The following KCNQ1 variants were observed in gnomAD, a reference collection of about 807,000 sequenced individuals.
KCNQ1 encodes the protein potassium voltage-gated channel subfamily KQT member 1.
Under a neutral mutation model 72.4 loss-of-function variants are expected in KCNQ1, and 49 were observed. That is an observed-to-expected ratio of 0.68 (90% CI 0.54 to 0.86). KCNQ1 has a LOEUF of 0.86. Ranked by LOEUF, KCNQ1 falls within the 40% of genes least tolerant of loss-of-function variation. The pLI is 0.00. For synonymous variants in KCNQ1, 450 were observed against 412.6 expected, an observed-to-expected ratio of 1.09 and a Z score of -1.10; for missense variants, 790 against 945.1, an observed-to-expected ratio of 0.84 and a Z score of 2.15.
At chr11:2,455,244 T>C (rs537840193) in intron 1 of KCNQ1, among the ~76,000 whole-genome samples, 37 of 152,168 alleles carry the variant, frequency 2.4e-4, no homozygotes, top group Non-Finnish European at 4.6e-4. Context: ...ACAACAGGCG[T>C]CTGCCACCAC....
intron 11 of KCNQ1, chr11:2,689,553 GA>G: frequency 5.0e-6 from 2 of 398,668 alleles, no homozygotes; most frequent in Non-Finnish European, 8.8e-6. Flanking sequence ...AGGAAGAACA[GA>G]ATGAATGATG....
Position 2,613,666 on chromosome 11 carries a change from C to T in KCNQ1, c.1393+24812C>T, listed in dbSNP as rs1180316256. ...TTATATCAAGGTGCTCATTCCACCACCTCAGAAGTGGTCCCTATCTTGTTA... is the reference window on the plus strand; with the variant it reads ...TTATATCAAGGTGCTCATTCCACCATCTCAGAAGTGGTCCCTATCTTGTTA... On this transcript the variant is annotated intron_variant, in intron 10 of 15. Transcript: ENST00000155840. This position sits in a 1 kb window ranked among gnomAD's most constrained non-coding sequence, Gnocchi z 4.8. 1 of 398,460 alleles carries T rather than the reference C, an allele frequency of 2.5e-6. No homozygotes were observed. Among genetic ancestry groups the T allele is most frequent in the East Asian group, 3.6e-5 (1 of 28,090 alleles). The allele number at this position is 398,460 out of a possible 1,614,324, so 24.7% of individuals were successfully genotyped here. A position where few individuals can be genotyped will look rare whatever the true frequency, so the allele number is the denominator to read the frequency against.
At chr11:2,844,979 C>T (rs1048656788) in intron 15 of KCNQ1, among the ~76,000 whole-genome samples, 1 of 152,214 alleles carries the variant, frequency 6.6e-6, no homozygotes, top group Non-Finnish European at 1.5e-5. Flanking sequence ...CCAGGCTTTG[C>T]CCTCAAAGAC....
At chr11:2,531,048 G>C (rs1479197811) in intron 2 of KCNQ1, among the ~76,000 whole-genome samples, 3 of 152,170 alleles carry the variant, frequency 2.0e-5, no homozygotes, top group Non-Finnish European at 4.4e-5. Context: ...AGCCAGGGCT[G>C]TCTGTCAGCA....
chr11:2,700,557 C>T (rs529083895), intron 11 of KCNQ1, among the ~76,000 whole-genome samples: 3 of 151,598 alleles, frequency 2.0e-5, no homozygotes, highest in African/African-American at 7.3e-5. Context: ...GAGGCGTTTT[C>T]CCCCCTCCCA....
At chr11:2,531,511 C>A (rs1847630420) in intron 2 of KCNQ1, among the ~76,000 whole-genome samples, 1 of 152,196 alleles carries the variant, frequency 6.6e-6, no homozygotes, top group South Asian at 2.1e-4. Flanking sequence ...AGATGGTCCT[C>A]ATCCCAGCAG....
At chr11:2,692,776 T>C in intron 11 of KCNQ1, 1 of 398,630 alleles carries the variant, frequency 2.5e-6, no homozygotes, top group African/African-American at 2.1e-5. Flanking sequence ...ACCTGCTGAG[T>C]GTTTGACAAA....
intron 11 of KCNQ1, chr11:2,694,056 C>T (rs986143330): frequency 8.8e-5 from 35 of 398,564 alleles, no homozygotes; most frequent in Non-Finnish European, 1.1e-4. Flanking sequence ...GGCTGAGGGA[C>T]GGCAGCTGAC....
At chr11:2,807,248 G>A (rs1297541256) in intron 15 of KCNQ1, among the ~76,000 whole-genome samples, 2 of 152,210 alleles carry the variant, frequency 1.3e-5, no homozygotes, top group African/African-American at 2.4e-5. Context: ...CGCCTCGAAC[G>A]TGGCCGGCTC....
In KCNQ1 at chr11:2,679,887, T is replaced by C. The variant is rs77263503; in HGVS notation, c.1514+17806T>C. On this transcript the variant is annotated intron_variant, in intron 11 of 15. Coordinates refer to ENST00000155840, the MANE Select transcript of KCNQ1 (RefSeq NM_000218.3). The surrounding 1 kb of genome is among the most constrained non-coding windows in gnomAD (Gnocchi z 4.8). Reference sequence around the variant, plus strand: ...ATAAACTTAGAACTAGCACGCCTAATTTTTTTTTTATTTTTATTTTTTTTG... The same window carrying C: ...ATAAACTTAGAACTAGCACGCCTAACTTTTTTTTTATTTTTATTTTTTTTG... 2 of 369,722 alleles carry C rather than the reference T, an allele frequency of 5.4e-6. No homozygotes were observed. The highest frequency in any genetic ancestry group is 9.3e-6 in the Non-Finnish European group (2 of 214,468). The allele number at this position is 369,722 out of a possible 1,614,324, so 22.9% of individuals were successfully genotyped here.
At chr11:2,637,819 G>C (rs1424545844) in intron 10 of KCNQ1, 1 of 151,920 alleles carries the variant, frequency 6.6e-6, no homozygotes, top group African/African-American at 2.4e-5. Context: ...GTGGGAGTCT[G>C]TCTCTTTGTA....
In KCNQ1 at chr11:2,764,154, A is replaced by G. The variant is rs895645938; in HGVS notation, c.1515-4690A>G. On this transcript the variant is annotated intron_variant, in intron 11 of 15. Coordinates refer to ENST00000155840, the MANE Select transcript of KCNQ1 (RefSeq NM_000218.3). This position sits in a 1 kb window ranked among gnomAD's most constrained non-coding sequence, Gnocchi z 4.8. ...AGCGTATCACATTTCACTATTAAGT[A>G]TGATGTCTGCTTAGGGTTTGGGTTT... Among the ~76,000 whole-genome samples, 1 of 151,662 alleles carries G rather than the reference A, an allele frequency of 6.6e-6. No homozygotes were observed. The highest frequency in any genetic ancestry group is 1.5e-5 in the Non-Finnish European group (1 of 67,960).
intron 2 of KCNQ1, among the ~76,000 whole-genome samples, chr11:2,568,540 G>A (rs890550712): frequency 3.3e-4 from 50 of 152,180 alleles, no homozygotes; most frequent in African/African-American, 9.4e-4. Context: ...GTCCAGGCCC[G>A]GTCTCCCTAA....
At chr11:2,584,399 TTG>T (rs1410793733) in intron 7 of KCNQ1, among the ~76,000 whole-genome samples, 3 of 148,640 alleles carry the variant, frequency 2.0e-5, no homozygotes, top group African/African-American at 5.2e-5. Context: ...GTGTGTGGGT[TTG>T]TGTTTGTGTT....
chr11:2,831,755 C>T (rs1438587933), intron 15 of KCNQ1, among the ~76,000 whole-genome samples: 1 of 137,508 alleles, frequency 7.3e-6, no homozygotes, highest in African/African-American at 2.6e-5. Flanking sequence ...CTCTCCGTTG[C>T]CCCCTCCTCC....
chr11:2,664,412 G>T lies in KCNQ1; in HGVS notation c.1514+2331G>T. On this transcript the variant is annotated intron_variant, in intron 11 of 15. Coordinates refer to ENST00000155840, the MANE Select transcript of KCNQ1 (RefSeq NM_000218.3). The surrounding 1 kb of genome is among the most constrained non-coding windows in gnomAD (Gnocchi z 5.1). ...GAGGCCTGAAGGGGAGAGTGGGCACGTACAGTGTCAGGGCCTAGGAACCCA... is the reference window on the plus strand; with the variant it reads ...GAGGCCTGAAGGGGAGAGTGGGCACTTACAGTGTCAGGGCCTAGGAACCCA... 1 of 398,692 alleles carries T rather than the reference G, an allele frequency of 2.5e-6. No individual in the cohort carries two copies. Among genetic ancestry groups the T allele is most frequent in the Non-Finnish European group, 4.4e-6 (1 of 226,138 alleles). The allele number at this position is 398,692 out of a possible 1,614,324, so 24.7% of individuals were successfully genotyped here.
At chr11:2,609,434 C>G (rs1284213396) in intron 10 of KCNQ1, 2 of 398,268 alleles carry the variant, frequency 5.0e-6, no homozygotes, top group African/African-American at 4.1e-5. Context: ...TGTTTCGTGA[C>G]TTAGCATATG....
Position 2,787,092 on chromosome 11 carries a change from C to G in KCNQ1, c.1794+9055C>G, listed in dbSNP as rs79418187. ...CCACATATGTGGGTGTACTGCCAGCCTGGACTTTTAATTCTAGGCTCAAAG... is the reference window on the plus strand; with the variant it reads ...CCACATATGTGGGTGTACTGCCAGCGTGGACTTTTAATTCTAGGCTCAAAG... On this transcript the variant is annotated intron_variant, in intron 15 of 15. Coordinates refer to ENST00000155840, the MANE Select transcript of KCNQ1 (RefSeq NM_000218.3). The surrounding 1 kb of genome is among the most constrained non-coding windows in gnomAD (Gnocchi z 6.3). 6.8e-4 allele frequency among the ~76,000 whole-genome samples: 103 copies of G among 152,148 alleles called. 1 individual carries two copies. The highest frequency in any genetic ancestry group is 2.3e-3 in the African/African-American group (96 of 41,502).
Position 2,661,139 on chromosome 11 carries a change from G to A in KCNQ1, c.1394-822G>A. 1 of 398,600 alleles carries A rather than the reference G, an allele frequency of 2.5e-6. No individual in the cohort carries two copies. 24.7% of individuals were successfully genotyped at this position (398,600 alleles called of 1,614,324 possible). ...CTGCTCGGATGAGCAGAGAGGGTGG[G>A]CTAGGGATCTAGTTGGCAGTTAACA... On this transcript the variant is annotated intron_variant, in intron 10 of 15. Transcript: ENST00000155840. This position sits in a 1 kb window ranked among gnomAD's most constrained non-coding sequence, Gnocchi z 5.9.
Sources: allele counts gnomAD v4.1 joint callset (sites outside exome capture counted in the v4.1 genomes callset), GRCh38; gene constraint gnomAD v4.1.1; non-coding constraint Gnocchi (gnomAD v3.1); transcripts MANE v1.5; gene names NCBI Gene and HGNC (gene_info 2026-07-23, HGNC 2026-07-21).